Variants in SGCZ observed in about 807,000 individuals in gnomAD.
SGCZ encodes sarcoglycan zeta.
A neutral mutation model predicts 41.3 loss-of-function variants in SGCZ; 40 were observed. That is an observed-to-expected ratio of 0.97 (90% CI 0.75 to 1.26). The LOEUF (loss-of-function observed/expected upper bound fraction) is 1.26, where lower values mean the gene tolerates loss of function less well. Among genes scored for constraint, SGCZ ranks in the 50% most tolerant of loss-of-function variants. The probability of loss-of-function intolerance (pLI) is 0.00; values close to 1 mark genes in which losing one functional copy is unlikely to be tolerated. For missense variants in SGCZ, 552 were observed against 369.8 expected, an observed-to-expected ratio of 1.49 and a Z score of -4.04; for synonymous variants, 206 against 137.5, an observed-to-expected ratio of 1.50 and a Z score of -3.49.
chr8:14,673,183 T>C lies in SGCZ; in HGVS notation c.40-118257A>G, dbSNP rs796579803. ...TGTTTACCCTGTATTGTAACCACTA[T>C]ACTGTCTTGTAAACATTAATTTATG... On this transcript the variant is annotated intron_variant, in intron 1 of 7. Coordinates refer to ENST00000382080, the MANE Select transcript of SGCZ (RefSeq NM_139167.4). 9.8e-5 allele frequency among the ~76,000 whole-genome samples: 15 copies of C among 152,348 alleles called. 1 individual carries two copies. The highest frequency in any genetic ancestry group is 3.6e-4 in the African/African-American group (15 of 41,592).
At chr8:14,652,574 A>G (rs1180911385) in intron 1 of SGCZ, among the ~76,000 whole-genome samples, 1 of 152,044 alleles carries the variant, frequency 6.6e-6, no homozygotes, top group African/African-American at 2.4e-5. Context: ...AATTTAGCCC[A>G]GTAAGCATAT....
chr8:14,646,025 G>T (rs1186333911), intron 1 of SGCZ, among the ~76,000 whole-genome samples: 1 of 151,820 alleles, frequency 6.6e-6, no homozygotes, highest in Non-Finnish European at 1.5e-5. Context: ...AAAGTAGCTT[G>T]TAGAGATAGT....
At chr8:14,665,695 A>T (rs1441547723) in intron 1 of SGCZ, among the ~76,000 whole-genome samples, 3 of 152,100 alleles carry the variant, frequency 2.0e-5, no homozygotes, top group African/African-American at 4.8e-5. Flanking sequence ...CCCATTCATC[A>T]TGTTTATAGA....
chr8:15,231,236 C>T (rs1467559694), intron 1 of SGCZ, among the ~76,000 whole-genome samples: 2 of 152,096 alleles, frequency 1.3e-5, no homozygotes, highest in East Asian at 3.9e-4. Flanking sequence ...ATGCTAAAAT[C>T]CTCTATTTTT....
intron 1 of SGCZ, among the ~76,000 whole-genome samples, chr8:15,055,466 T>A (rs1804671269): frequency 6.6e-6 from 1 of 152,176 alleles, no homozygotes; most frequent in Non-Finnish European, 1.5e-5. Flanking sequence ...AATGCATGAC[T>A]ATGTACGAAT....
chr8:14,865,486 C>G (rs1024150966), intron 1 of SGCZ, among the ~76,000 whole-genome samples: 7 of 152,028 alleles, frequency 4.6e-5, no homozygotes, highest in Admixed American at 4.6e-4. Context: ...CTGTATTATT[C>G]TGGTGAAAAA....
intron 2 of SGCZ, among the ~76,000 whole-genome samples, chr8:14,520,755 CA>C (rs1431929510): frequency 6.6e-6 from 1 of 152,012 alleles, no homozygotes; most frequent in Admixed American, 6.6e-5. Flanking sequence ...ATCTGACATT[CA>C]AAAGGAATCT....
At chr8:14,875,556 G>C (rs768994373) in intron 1 of SGCZ, among the ~76,000 whole-genome samples, 1 of 152,104 alleles carries the variant, frequency 6.6e-6, no homozygotes, top group African/African-American at 2.4e-5. Context: ...CGAAAAGCAC[G>C]TGTTAAGAGT....
At chr8:15,192,383 A>G (rs1563175889) in intron 1 of SGCZ, among the ~76,000 whole-genome samples, 1 of 152,166 alleles carries the variant, frequency 6.6e-6, no homozygotes, top group African/African-American at 2.4e-5. Flanking sequence ...ATCAGCTTCC[A>G]AAATGCTGAA....
In SGCZ at chr8:14,742,226, G is replaced by C. The variant is rs149890084; in HGVS notation, c.40-187300C>G. Among the ~76,000 whole-genome samples the C allele has an allele frequency of 7.9e-5, 12 of 152,076 alleles. No individual in the cohort carries two copies. In the East Asian group the frequency reaches 1.7e-3, roughly 22 times the overall value. On this transcript the variant is annotated intron_variant, in intron 1 of 7. Transcript: ENST00000382080. ...TCAGTCTAATGATCCATCTGTGCAGGCATTTAAACACTGACAACACAGGTG... is the reference window on the plus strand; with the variant it reads ...TCAGTCTAATGATCCATCTGTGCAGCCATTTAAACACTGACAACACAGGTG...
At chr8:14,200,211 G>A (rs1031534964) in intron 4 of SGCZ, among the ~76,000 whole-genome samples, 6 of 152,086 alleles carry the variant, frequency 3.9e-5, no homozygotes, top group Non-Finnish European at 5.9e-5. Context: ...CACAACCAAA[G>A]AAGATCTAAA....
chr8:14,670,635 T>A (rs1335476838), intron 1 of SGCZ, among the ~76,000 whole-genome samples: 3 of 152,176 alleles, frequency 2.0e-5, no homozygotes, highest in Non-Finnish European at 4.4e-5. Context: ...TACATTTAAA[T>A]TGGAACACAA....
intron 4 of SGCZ, among the ~76,000 whole-genome samples, chr8:14,217,489 T>C (rs917019385): frequency 2.0e-5 from 3 of 151,900 alleles, no homozygotes; most frequent in Non-Finnish European, 4.4e-5. Context: ...GGGAACCTCT[T>C]TGCACACTTA....
chr8:14,683,916 G>T (rs2117549022), intron 1 of SGCZ, among the ~76,000 whole-genome samples: 1 of 152,156 alleles, frequency 6.6e-6, no homozygotes, highest in South Asian at 2.1e-4. Context: ...TCAATCTTAA[G>T]ATGCATGATT....
chr8:14,850,490 T>G (rs1803275335), intron 1 of SGCZ, among the ~76,000 whole-genome samples: 2 of 152,186 alleles, frequency 1.3e-5, no homozygotes, highest in Non-Finnish European at 2.9e-5. Context: ...TGAGAAGGCT[T>G]CATGGAATAA....
At chr8:14,135,215 T>A (rs557795162) in intron 5 of SGCZ, among the ~76,000 whole-genome samples, 1 of 152,340 alleles carries the variant, frequency 6.6e-6, no homozygotes, top group Admixed American at 6.5e-5. Context: ...TTTAAATGAA[T>A]AAATAATAAA....
intron 2 of SGCZ, among the ~76,000 whole-genome samples, chr8:14,405,896 C>A (rs1799200425): frequency 6.6e-6 from 1 of 152,030 alleles, no homozygotes; most frequent in Non-Finnish European, 1.5e-5. Flanking sequence ...TTAGTGGGAG[C>A]TGAGCAGGTA....
At chr8:15,014,417 G>A (rs7004077) in intron 1 of SGCZ, among the ~76,000 whole-genome samples, 43 of 152,218 alleles carry the variant, frequency 2.8e-4, no homozygotes, top group Non-Finnish European at 2.8e-4. Context: ...TTCATTTTGC[G>A]TGTGTCTTTG....
chr8:14,673,450 C>T (rs2042495574), intron 1 of SGCZ, among the ~76,000 whole-genome samples: 1 of 151,878 alleles, frequency 6.6e-6, no homozygotes, highest in African/African-American at 2.4e-5. Flanking sequence ...CGCGCTGTCT[C>T]TCTCTCTCTC....
Sources: gnomAD v4.1 joint callset for allele counts (sites outside exome capture counted in the v4.1 genomes callset) on GRCh38, gnomAD v4.1.1 for gene constraint, MANE v1.5 for transcripts, NCBI Gene and HGNC (gene_info 2026-07-23, HGNC 2026-07-21) for gene names.